Variants in AAMDC observed in about 807,000 individuals in gnomAD.
AAMDC encodes mth938 domain-containing protein.
AAMDC carries 16 observed loss-of-function variants against 15.5 expected under a neutral mutation model. The observed-to-expected ratio is 1.03, with a 90% CI of 0.70 to 1.57. The LOEUF (loss-of-function observed/expected upper bound fraction) is 1.57. Among genes scored for constraint, AAMDC ranks in the 40% most tolerant of loss-of-function variants. The pLI is 0.00. For missense variants in AAMDC, 141 were observed against 144.9 expected, an observed-to-expected ratio of 0.97 and a Z score of 0.14; for synonymous variants, 51 against 51.6, an observed-to-expected ratio of 0.99 and a Z score of 0.05.
At chr11:77,860,552 T>C (rs1236331984) in intron 2 of AAMDC, among the ~76,000 whole-genome samples, 1 of 152,202 alleles carries the variant, frequency 6.6e-6, no homozygotes, top group Non-Finnish European at 1.5e-5. Flanking sequence ...TGGCACAAGG[T>C]TTCTGAAAGG....
chr11:77,899,984 C>T (rs535632627), intron 5 of AAMDC, among the ~76,000 whole-genome samples: 113 of 151,942 alleles, frequency 7.4e-4, no homozygotes, highest in African/African-American at 2.6e-3. Context: ...TATATATAAA[C>T]TAAAAAAAAT....
downstream of AAMDC, chr11:77,903,652 C>A: frequency 6.4e-7 from 1 of 1,568,106 alleles, no homozygotes; most frequent in Non-Finnish European, 8.7e-7. Context: ...GAACAGAATA[C>A]CGAGGTCACA....
chr11:77,847,133 T>G (rs556944388), intron 2 of AAMDC, among the ~76,000 whole-genome samples: 2 of 152,126 alleles, frequency 1.3e-5, no homozygotes, highest in East Asian at 3.9e-4. Flanking sequence ...TGCCCACGGG[T>G]GGAATTTTTG....
intron 2 of AAMDC, among the ~76,000 whole-genome samples, chr11:77,854,736 A>T (rs527813566): frequency 6.6e-6 from 1 of 152,266 alleles, no homozygotes; most frequent in Admixed American, 6.5e-5. Context: ...TGGATCTACC[A>T]TTCTCATGTC....
intron 3 of AAMDC, among the ~76,000 whole-genome samples, chr11:77,905,833 A>C (rs1952934805): frequency 6.6e-6 from 1 of 152,148 alleles, no homozygotes; most frequent in African/African-American, 2.4e-5. Flanking sequence ...CTTTCCCTTT[A>C]TGACCAATTT....
downstream of AAMDC, among the ~76,000 whole-genome samples, chr11:77,902,189 A>T (rs1490447598): frequency 2.0e-5 from 3 of 152,218 alleles, no homozygotes; most frequent in African/African-American, 7.2e-5. Context: ...ATTGGCAATA[A>T]GACAAGTTAA....
At chr11:77,875,479 G>A (rs1200487959), downstream of AAMDC, among the ~76,000 whole-genome samples, 4 of 152,184 alleles carry the variant, frequency 2.6e-5, no homozygotes, top group Non-Finnish European at 5.9e-5. Context: ...GGGAAGAACT[G>A]ACACCACTAG....
downstream of AAMDC, chr11:77,872,509 A>G: frequency 1.9e-6 from 1 of 538,332 alleles, no homozygotes; most frequent in Non-Finnish European, 3.1e-6. Context: ...AAGATGAGAC[A>G]GAAGTTTAAT....
At chr11:77,845,444 T>TG (rs35874548) in intron 2 of AAMDC, among the ~76,000 whole-genome samples, 28,696 of 151,732 alleles carry the variant, frequency 0.19, 3,284 homozygotes, top group Middle Eastern at 0.33. Flanking sequence ...TTTTTTTTGG[T>TG]GGGGGGGATA....
chr11:77,839,627 T>C (rs1239286067), intron 1 of AAMDC, among the ~76,000 whole-genome samples: 1 of 152,198 alleles, frequency 6.6e-6, no homozygotes, highest in Non-Finnish European at 1.5e-5. Context: ...CACCATGGTA[T>C]ACTATGCAAC....
rs540879557 is a variant in AAMDC at position 77,859,257 on chromosome 11, G to A, written c.133-10465G>A. On this transcript the variant is annotated intron_variant, in intron 2 of 3. Coordinates refer to ENST00000393427, the MANE Select transcript of AAMDC (RefSeq NM_024684.4). ...TAGGGGTCCTTCTATAAGCATTTCT[G>A]ATGGAGGGTCCTGCCTTGCAGCTCT... Among the ~76,000 whole-genome samples the A allele has an allele frequency of 6.6e-5, 10 of 152,340 alleles. No homozygotes were observed. In the East Asian group the frequency reaches 1.7e-3, roughly 26 times the overall value.
chr11:77,851,405 T>A (rs1439988782), intron 2 of AAMDC: 1 of 152,242 alleles, frequency 6.6e-6, no homozygotes, highest in Non-Finnish European at 1.5e-5. Flanking sequence ...GAAAGATTGA[T>A]GAGCTGTTCC....
At chr11:77,873,537 A>G (rs1951514462), downstream of AAMDC, among the ~76,000 whole-genome samples, 1 of 152,276 alleles carries the variant, frequency 6.6e-6, no homozygotes, top group South Asian at 2.1e-4. Context: ...CCTATTACTA[A>G]TTTTCTTATG....
chr11:77,887,257 G>A lies in AAMDC; in HGVS notation c.328+10208G>A, dbSNP rs546733694. Among the ~76,000 whole-genome samples, 25 of 152,270 alleles carry A rather than the reference G, an allele frequency of 1.6e-4. No individual in the cohort carries two copies. The East Asian group carries it at 4.6e-3, about 28-fold the overall frequency. ...GTGGGCTTCATCCCTGGGATGCAAG[G>A]CTGGTTCAACATACGAAAATCAATA... On this transcript the variant is annotated intron_variant, in intron 5 of 5. Coordinates refer to the AAMDC transcript ENST00000304716.
intron 5 of AAMDC, among the ~76,000 whole-genome samples, chr11:77,886,797 C>T (rs1952032708): frequency 6.6e-6 from 1 of 152,164 alleles, no homozygotes; most frequent in African/African-American, 2.4e-5. Context: ...AAGAAACTCA[C>T]TCAAAACCGC....
chr11:77,856,269 C>T (rs912650279), intron 2 of AAMDC, among the ~76,000 whole-genome samples: 1 of 152,302 alleles, frequency 6.6e-6, no homozygotes, highest in African/African-American at 2.4e-5. Context: ...CAATAAGTTC[C>T]TCATCTCCGA....
chr11:77,842,586 AG>A lies in AAMDC; in HGVS notation c.95del (p.Gly32ValfsTer23), dbSNP rs753394128. Reference protein sequence around the residue: ...TTYKDCKVWPGGSRTWDWRET... With the variant: ...TTYKDCKVWPXGSRTWDWRET... ...CCTATAAGGACTGCAAAGTATGGCC[AG>A]GGGGTAGTCGGACTTGGGATTGGAG... On this transcript the variant is annotated frameshift_variant, in exon 2 of 4. Transcript: ENST00000393427. LOFTEE classifies it high-confidence loss of function. 8 of 1,613,868 alleles carry A rather than the reference AG, an allele frequency of 5.0e-6. No homozygotes were observed. In the South Asian group the frequency reaches 7.7e-5, roughly 16 times the overall value.
chr11:77,885,229 C>A (rs531607327), intron 5 of AAMDC, among the ~76,000 whole-genome samples: 3 of 152,100 alleles, frequency 2.0e-5, no homozygotes, highest in African/African-American at 7.2e-5. Flanking sequence ...AGGCGCCCAC[C>A]GTCATGCCCG....
intron 2 of AAMDC, among the ~76,000 whole-genome samples, chr11:77,856,025 A>C (rs1950606683): frequency 6.6e-6 from 1 of 152,112 alleles, no homozygotes; most frequent in African/African-American, 2.4e-5. Context: ...AGGCTGAGGT[A>C]GGGGGATTCC....
Sources: allele counts gnomAD v4.1 joint callset (sites outside exome capture counted in the v4.1 genomes callset), GRCh38; gene constraint gnomAD v4.1.1; transcripts MANE v1.5; gene names NCBI Gene and HGNC (gene_info 2026-07-23, HGNC 2026-07-21).